The following PDE3B variants were observed in gnomAD, a reference collection of about 807,000 sequenced individuals.
PDE3B encodes the protein phosphodiesterase 3B, also known as cGMP-inhibited 3',5'-cyclic phosphodiesterase 3B.
Under a neutral mutation model 116.8 loss-of-function variants are expected in PDE3B, and 66 were observed. That is an observed-to-expected ratio of 0.56 (90% confidence interval 0.46 to 0.69). The LOEUF is 0.69. Among genes scored for constraint, PDE3B ranks in the 30% least tolerant of loss-of-function variants. The pLI is 0.00. For synonymous variants in PDE3B, 595 were observed against 533.6 expected (o/e 1.12, Z -1.59); for missense variants, 1,384 against 1,368.1 (o/e 1.01, Z -0.18).
intron 1 of PDE3B, among the ~76,000 whole-genome samples, chr11:14,658,969 C>G (rs1250677798): frequency 6.6e-6 from 1 of 152,090 alleles, no homozygotes; most frequent in Non-Finnish European, 1.5e-5. Flanking sequence ...AATCACTTCG[C>G]AGGACATTTT....
intron 1 of PDE3B, among the ~76,000 whole-genome samples, chr11:14,724,796 T>C (rs1004140846): frequency 2.0e-5 from 3 of 152,160 alleles, no homozygotes; most frequent in Non-Finnish European, 4.4e-5. Flanking sequence ...GGAACTCCAA[T>C]ATTAACTGGC....
At chr11:14,764,206 G>A (rs183940105) in intron 1 of PDE3B, among the ~76,000 whole-genome samples, 1 of 152,218 alleles carries the variant, frequency 6.6e-6, no homozygotes, top group East Asian at 1.9e-4. Flanking sequence ...CACAGCTGTT[G>A]CCAGAGACAA....
intron 1 of PDE3B, among the ~76,000 whole-genome samples, chr11:14,691,057 G>A (rs762703973): frequency 1.3e-5 from 2 of 152,134 alleles, no homozygotes; most frequent in South Asian, 2.1e-4. Flanking sequence ...AAATAGTGAC[G>A]AGAGCAGGGA....
chr11:14,658,363 C>CT (rs953183823), intron 1 of PDE3B, among the ~76,000 whole-genome samples: 24 of 149,384 alleles, frequency 1.6e-4, no homozygotes, highest in East Asian at 3.9e-4. Context: ...TGTCGCCTTT[C>CT]TTTTTTTTTT....
At chr11:14,817,561 G>A (rs1369590419) in intron 5 of PDE3B, among the ~76,000 whole-genome samples, 3 of 152,118 alleles carry the variant, frequency 2.0e-5, no homozygotes, top group Admixed American at 2.0e-4. Flanking sequence ...ACCAGCCTGG[G>A]CAACATCTTG....
chr11:14,866,368 C>A (rs1848046244), intron 14 of PDE3B, among the ~76,000 whole-genome samples: 2 of 152,094 alleles, frequency 1.3e-5, no homozygotes, highest in Admixed American at 6.6e-5. Context: ...ATTAAACTTT[C>A]TTCAGATATT....
At chr11:14,667,345 T>A (rs1854196462) in intron 1 of PDE3B, among the ~76,000 whole-genome samples, 1 of 151,044 alleles carries the variant, frequency 6.6e-6, no homozygotes, top group Non-Finnish European at 1.5e-5. Flanking sequence ...AATGACGAGT[T>A]AATGAGTGCA....
intron 2 of PDE3B, among the ~76,000 whole-genome samples, chr11:14,783,966 C>T (rs1481498474): frequency 2.6e-5 from 4 of 152,168 alleles, no homozygotes; most frequent in South Asian, 4.1e-4. Context: ...CACCTGAGCT[C>T]TGCCTCTTGT....
At chr11:14,656,736 G>A (rs1853726199) in intron 1 of PDE3B, among the ~76,000 whole-genome samples, 1 of 152,168 alleles carries the variant, frequency 6.6e-6, no homozygotes, top group African/African-American at 2.4e-5. Flanking sequence ...CTGGCACCTG[G>A]CAAGTTTTCA....
intron 1 of PDE3B, among the ~76,000 whole-genome samples, chr11:14,679,053 A>G (rs1250945890): frequency 6.6e-6 from 1 of 152,124 alleles, no homozygotes; most frequent in East Asian, 1.9e-4. Flanking sequence ...TCAAGAATTA[A>G]TTTGCTATAT....
At chr11:14,873,216 C>A (rs1848160495), downstream of PDE3B, among the ~76,000 whole-genome samples, 2 of 152,124 alleles carry the variant, frequency 1.3e-5, no homozygotes, top group African/African-American at 4.8e-5. Context: ...TTCTATTATT[C>A]TTTGTTCCCA....
the PDE3B span, chr11:14,891,475 A>G: frequency 8.1e-6 from 8 of 986,536 alleles, no homozygotes; most frequent in South Asian, 3.7e-4. Context: ...TGCATTCTCC[A>G]TTCTCACAGC....
intron 5 of PDE3B, among the ~76,000 whole-genome samples, chr11:14,814,846 CA>C (rs1230878383): frequency 2.6e-5 from 4 of 152,092 alleles, no homozygotes; most frequent in Admixed American, 1.3e-4. Flanking sequence ...CCTGTAGTCC[CA>C]GCTACTTGGG....
chr11:14,763,469 C>T lies in PDE3B; in HGVS notation c.979-8468C>T, dbSNP rs181091967. Among the ~76,000 whole-genome samples, 47 of 151,676 alleles carry T rather than the reference C, an allele frequency of 3.1e-4. No homozygotes were observed. In the East Asian group the frequency reaches 8.4e-3, roughly 27 times the overall value. On this transcript the variant is annotated intron_variant, in intron 1 of 15. Transcript: ENST00000282096. ...TTTTACAGAGAAATGAGATAGTGGC[C>T]GGGTGAAAGTATGATCATGATAAAG...
At chr11:14,886,186 C>G in the PDE3B span, 2 of 451,106 alleles carry the variant, frequency 4.4e-6, no homozygotes, top group East Asian at 8.6e-5. Context: ...AGGCCTGGGT[C>G]TAGTTTAAGG....
chr11:14,728,469 T>A (rs187414300), intron 1 of PDE3B, among the ~76,000 whole-genome samples: 1 of 152,250 alleles, frequency 6.6e-6, no homozygotes, highest in East Asian at 1.9e-4. Flanking sequence ...GTAACATTTT[T>A]AGAGTACATT....
At chr11:14,787,452 A>T (rs1858244253) in intron 3 of PDE3B, among the ~76,000 whole-genome samples, 1 of 151,948 alleles carries the variant, frequency 6.6e-6, no homozygotes, top group African/African-American at 2.4e-5. Flanking sequence ...ATTTCAGTTA[A>T]TTTTGTCAAT....
At chr11:14,646,137 A>G (rs1853400081) in intron 1 of PDE3B, among the ~76,000 whole-genome samples, 1 of 152,134 alleles carries the variant, frequency 6.6e-6, no homozygotes, top group African/African-American at 2.4e-5. Flanking sequence ...CGTACACCCT[A>G]GGTTTTCTGA....
At chr11:14,854,395 A>G (rs1421876980) in intron 12 of PDE3B, among the ~76,000 whole-genome samples, 2 of 152,226 alleles carry the variant, frequency 1.3e-5, no homozygotes, top group Non-Finnish European at 2.9e-5. Context: ...ATTATTCTAA[A>G]GCAAAACTTG....
Sources: allele counts gnomAD v4.1 joint callset (sites outside exome capture counted in the v4.1 genomes callset), GRCh38; gene constraint gnomAD v4.1.1; transcripts MANE v1.5; gene names NCBI Gene and HGNC (gene_info 2026-07-23, HGNC 2026-07-21).